FRK: variants seen among roughly 807,000 people sequenced by gnomAD.
The protein encoded by FRK is tyrosine-protein kinase FRK.
Under a neutral mutation model 56.4 loss-of-function variants are expected in FRK, and 51 were observed. The observed-to-expected ratio is 0.90, with a 90% CI of 0.72 to 1.14. The LOEUF (loss-of-function observed/expected upper bound fraction) is 1.14. Among genes scored for constraint, FRK ranks in the 50% most tolerant of loss-of-function variants. The probability of loss-of-function intolerance (pLI) is 0.00; values close to 1 mark genes in which losing one functional copy is unlikely to be tolerated. For synonymous variants in FRK, 245 were observed against 217.9 expected, an observed-to-expected ratio of 1.12 and a Z score of -1.10; for missense variants, 570 against 601.4, an observed-to-expected ratio of 0.95 and a Z score of 0.55.
Position 116,060,442 on chromosome 6 carries a change from G to T in FRK, c.-131C>A. ...CACCATACTTCGGAGAGTATGCAAAGTCCCGTTTCAGATCAGTCCAGCAGC... is the reference window on the plus strand; with the variant it reads ...CACCATACTTCGGAGAGTATGCAAATTCCCGTTTCAGATCAGTCCAGCAGC... On this transcript the variant is annotated 5_prime_UTR_variant, in exon 1 of 8. Coordinates refer to ENST00000606080, the MANE Select transcript of FRK (RefSeq NM_002031.3). 1 of 691,918 alleles carries T rather than the reference G, an allele frequency of 1.4e-6. No individual in the cohort carries two copies. The highest frequency in any genetic ancestry group is 2.4e-6 in the Non-Finnish European group (1 of 413,754). 42.9% of individuals were successfully genotyped at this position (691,918 alleles called of 1,614,324 possible).
chr6:116,042,353 C>T (rs1462413959), intron 1 of FRK, among the ~76,000 whole-genome samples: 3 of 152,200 alleles, frequency 2.0e-5, no homozygotes, highest in Non-Finnish European at 4.4e-5. Flanking sequence ...TGCCTGCCAG[C>T]AAAGGGAGGC....
At chr6:116,069,379 A>T in the FRK span, among the ~76,000 whole-genome samples, 1 of 152,266 alleles carries the variant, frequency 6.6e-6, no homozygotes, top group African/African-American at 2.4e-5. Context: ...TCCAAACTCT[A>T]TGTGCAAAGT....
chr6:116,073,009 T>C, the FRK span, among the ~76,000 whole-genome samples: 1 of 152,178 alleles, frequency 6.6e-6, no homozygotes, highest in Non-Finnish European at 1.5e-5. Context: ...TTTTTATGTG[T>C]ATGTGTGACA....
At chr6:116,043,073 C>A (rs1641222360) in intron 1 of FRK, among the ~76,000 whole-genome samples, 1 of 151,986 alleles carries the variant, frequency 6.6e-6, no homozygotes, top group Non-Finnish European at 1.5e-5. Flanking sequence ...ATAAGAGCAC[C>A]CAGATTCATA....
At chr6:116,097,759 T>C in the FRK span, among the ~76,000 whole-genome samples, 1 of 152,294 alleles carries the variant, frequency 6.6e-6, no homozygotes, top group African/African-American at 2.4e-5. Context: ...CATGAAATAC[T>C]AAAAACAAAA....
chr6:116,045,120 A>G (rs1022474060), intron 1 of FRK, among the ~76,000 whole-genome samples: 1 of 150,164 alleles, frequency 6.7e-6, no homozygotes, highest in Admixed American at 6.7e-5. Flanking sequence ...ATGCTTATGG[A>G]TAGAAAGAAT....
At chr6:116,087,788 T>C in the FRK span, among the ~76,000 whole-genome samples, 2 of 152,244 alleles carry the variant, frequency 1.3e-5, no homozygotes, top group Non-Finnish European at 2.9e-5. Context: ...ATGGCACTGG[T>C]ACTCTGTTTC....
In FRK at chr6:115,941,207, G is replaced by C. The variant is rs1357954101; in HGVS notation, c.*1207C>G. 11 of 152,248 alleles carry C rather than the reference G, an allele frequency of 7.2e-5. No homozygotes were observed. The highest frequency in any genetic ancestry group is 4.4e-5 in the Non-Finnish European group (3 of 68,034). 9.4% of individuals were successfully genotyped at this position (152,248 alleles called of 1,614,324 possible). A position where few individuals can be genotyped will look rare whatever the true frequency, so the allele number is the denominator to read the frequency against. On this transcript the variant is annotated 3_prime_UTR_variant, in exon 8 of 8. Transcript: ENST00000606080. ...TGTCCTTCACAGGGACATGGATAAAGCTGGAAACCATCATTCTTAACAAAC... is the reference window on the plus strand; with the variant it reads ...TGTCCTTCACAGGGACATGGATAAACCTGGAAACCATCATTCTTAACAAAC...
chr6:116,001,822 G>A (rs550610187), intron 2 of FRK, among the ~76,000 whole-genome samples: 11 of 151,546 alleles, frequency 7.3e-5, no homozygotes, highest in East Asian at 5.8e-4. Flanking sequence ...CTCTTCTTTC[G>A]AATTCCTTTT....
the FRK span, among the ~76,000 whole-genome samples, chr6:116,096,955 A>C: frequency 2.6e-5 from 4 of 152,216 alleles, no homozygotes; most frequent in East Asian, 7.7e-4. Flanking sequence ...CTACGGACAC[A>C]AAAGGACTTT....
chr6:116,002,854 TGGGACTACCA>T, intron 2 of FRK: 1 of 354,314 alleles, frequency 2.8e-6, no homozygotes, highest in Non-Finnish European at 5.8e-6. Flanking sequence ...CCCTGATATT[TGGGACTACCA>T]GGTGTGGAGA....
At chr6:116,056,274 G>A (rs1777397783) in intron 1 of FRK, among the ~76,000 whole-genome samples, 2 of 151,264 alleles carry the variant, frequency 1.3e-5, no homozygotes, top group South Asian at 4.2e-4. Flanking sequence ...GAGTGCAGTG[G>A]CACAACCATA....
At chr6:116,023,758 C>A (rs1775968664) in intron 1 of FRK, among the ~76,000 whole-genome samples, 1 of 152,022 alleles carries the variant, frequency 6.6e-6, no homozygotes, top group East Asian at 1.9e-4. Context: ...GGGCAACATA[C>A]AAACCTCTCA....
chr6:116,028,238 T>C (rs1467673564), intron 1 of FRK, among the ~76,000 whole-genome samples: 17 of 152,200 alleles, frequency 1.1e-4, no homozygotes, highest in Admixed American at 1.1e-3. Context: ...TCACAATTTA[T>C]TTTTAAAAAT....
chr6:116,055,964 G>C (rs189341204), intron 1 of FRK, among the ~76,000 whole-genome samples: 1 of 152,250 alleles, frequency 6.6e-6, no homozygotes, highest in Admixed American at 6.5e-5. Flanking sequence ...AACATGCAAA[G>C]GGGAGTCAAA....
At chr6:116,090,075 G>C in the FRK span, among the ~76,000 whole-genome samples, 7 of 151,994 alleles carry the variant, frequency 4.6e-5, no homozygotes, top group Non-Finnish European at 7.4e-5. Flanking sequence ...CAAAATTTGG[G>C]GCATTCAAAT....
intron 1 of FRK, among the ~76,000 whole-genome samples, chr6:116,039,926 G>A (rs1320024714): frequency 2.1e-5 from 3 of 146,202 alleles, no homozygotes; most frequent in African/African-American, 7.6e-5. Context: ...ACGTGTGAGG[G>A]AATAAACACC....
chr6:116,050,319 A>G (rs1241879897), intron 1 of FRK, among the ~76,000 whole-genome samples: 1 of 152,166 alleles, frequency 6.6e-6, no homozygotes, highest in African/African-American at 2.4e-5. Flanking sequence ...CCAAACATCT[A>G]CTTATCTTGG....
At position 116,048,577 on chromosome 6, in the gene FRK, A is replaced by G. The variant is rs183435333; in HGVS notation, c.344+11391T>C. Among the ~76,000 whole-genome samples the G allele has an allele frequency of 2.7e-3, 405 of 151,838 alleles. 2 individuals are homozygous for G. Among genetic ancestry groups the G allele is most frequent in the African/African-American group, 8.8e-3 (365 of 41,394 alleles). ...TTTTTGTATTTTTTTTTAGAGATGG[A>G]GTCTCGCCATGTTGCCCAGGCTGGT... On this transcript the variant is annotated intron_variant, in intron 1 of 7. Transcript: ENST00000606080.
Sources: gnomAD v4.1 joint callset for allele counts (sites outside exome capture counted in the v4.1 genomes callset) on GRCh38, gnomAD v4.1.1 for gene constraint, MANE v1.5 for transcripts, NCBI Gene and HGNC (gene_info 2026-07-23, HGNC 2026-07-21) for gene names.